Variants in TMC1 observed in about 807,000 individuals in gnomAD.
TMC1 encodes the protein transmembrane channel-like protein 1.
A neutral mutation model predicts 105.8 loss-of-function variants in TMC1; 84 were observed. That is an observed-to-expected ratio of 0.79 (90% CI 0.67 to 0.95). The LOEUF (loss-of-function observed/expected upper bound fraction) is 0.95, where lower values mean the gene tolerates loss of function less well. TMC1 is among the 40% of genes least tolerant of loss of function. The pLI is 0.00. For synonymous variants in TMC1, 315 were observed against 311.5 expected, an observed-to-expected ratio of 1.01 and a Z score of -0.12; for missense variants, 817 against 914.1, an observed-to-expected ratio of 0.89 and a Z score of 1.37.
At position 72,685,176 on chromosome 9, in the gene TMC1, A is replaced by G. The variant is rs531463324; in HGVS notation, c.17-3533A>G. Among the ~76,000 whole-genome samples, 694 of 130,508 alleles carry G rather than the reference A, an allele frequency of 5.3e-3. 4 individuals carry two copies. The highest frequency in any genetic ancestry group is 8.4e-3 in the Non-Finnish European group (548 of 65,472). The allele number at this position is 130,508 out of a possible 152,430, so 85.6% of individuals were successfully genotyped here. On this transcript the variant is annotated intron_variant, in intron 5 of 23. Coordinates refer to ENST00000297784, the MANE Select transcript of TMC1 (RefSeq NM_138691.3). ...GGCCAGAGTGCAGTGGCGCTATCTCAGCTCACTGCAAGCTCCGCCTCCCGG... is the reference window on the plus strand; with the variant it reads ...GGCCAGAGTGCAGTGGCGCTATCTCGGCTCACTGCAAGCTCCGCCTCCCGG...
At chr9:72,603,848 GTTTTTTTTTTTTTT>G (rs534608884) in intron 2 of TMC1, among the ~76,000 whole-genome samples, 9 of 74,006 alleles carry the variant, frequency 1.2e-4, no homozygotes, top group Admixed American at 2.0e-4. Flanking sequence ...GCGACCGGCT[GTTTTTTTTTTTTTT>G]TTTTTTTTTT....
At chr9:72,559,646 T>C (rs1463615644) in intron 1 of TMC1, among the ~76,000 whole-genome samples, 1 of 151,890 alleles carries the variant, frequency 6.6e-6, no homozygotes, top group Non-Finnish European at 1.5e-5. Flanking sequence ...GGAACAAACT[T>C]ATCGGATGTG....
chr9:72,766,915 A>AGAGGAGGAGTGTGGCCATGCGCTGCT (rs1483967116), intron 12 of TMC1, among the ~76,000 whole-genome samples: 2 of 152,226 alleles, frequency 1.3e-5, no homozygotes, highest in African/African-American at 4.8e-5. Flanking sequence ...GTCTGGCTGG[A>AGAGGAGGAGTGTGGCCATGCGCTGCT]GAGGAGGAGT....
Position 72,551,468 on chromosome 9 carries a change from C to T in TMC1, c.-427-26434C>T, listed in dbSNP as rs544227480. Among the ~76,000 whole-genome samples the T allele has an allele frequency of 7.2e-5, 11 of 152,308 alleles. No individual in the cohort carries two copies. In the South Asian group the frequency reaches 2.1e-3, roughly 29 times the overall value. The stretch of plus-strand genomic sequence containing the variant: ...TATGAGCCCATGATTTAGCATGTTG[C>T]TGGGAAATCTCCTTCCCCCTGTTGA... On this transcript the variant is annotated intron_variant, in intron 1 of 23. Coordinates refer to ENST00000297784, the MANE Select transcript of TMC1 (RefSeq NM_138691.3).
chr9:72,806,163 C>T (rs1360992953), intron 18 of TMC1, among the ~76,000 whole-genome samples: 16 of 149,940 alleles, frequency 1.1e-4, no homozygotes, highest in Admixed American at 6.0e-4. Flanking sequence ...GGCGGCTGGC[C>T]GGGCGGGGGG....
chr9:72,528,976 T>C (rs917617184), intron 1 of TMC1, among the ~76,000 whole-genome samples: 4 of 152,138 alleles, frequency 2.6e-5, no homozygotes, highest in Non-Finnish European at 5.9e-5. Context: ...GTATATTTCC[T>C]AAACTATATC....
At chr9:72,549,833 C>G (rs13290008) in intron 1 of TMC1, among the ~76,000 whole-genome samples, 3 of 151,592 alleles carry the variant, frequency 2.0e-5, no homozygotes, top group Non-Finnish European at 4.4e-5. Flanking sequence ...AGGTTGGTCT[C>G]GAACTCCTGA....
intron 4 of TMC1, among the ~76,000 whole-genome samples, chr9:72,645,948 G>A (rs1260305689): frequency 1.3e-5 from 2 of 152,072 alleles, no homozygotes; most frequent in African/African-American, 4.8e-5. Flanking sequence ...AAACTTGATG[G>A]AGCTTATATT....
At chr9:72,810,770 A>T (rs1371379748) in intron 18 of TMC1, among the ~76,000 whole-genome samples, 1 of 152,180 alleles carries the variant, frequency 6.6e-6, no homozygotes, top group Non-Finnish European at 1.5e-5. Context: ...TAATCTAATT[A>T]GTTTTTAATT....
At chr9:72,650,494 C>CT (rs1026302017) in intron 5 of TMC1, among the ~76,000 whole-genome samples, 8 of 148,302 alleles carry the variant, frequency 5.4e-5, no homozygotes, top group Admixed American at 2.0e-4. Flanking sequence ...CAGAACAAGC[C>CT]TTTTTTTTTA....
chr9:72,830,991 C>T (rs1829034193), intron 23 of TMC1, among the ~76,000 whole-genome samples: 1 of 152,132 alleles, frequency 6.6e-6, no homozygotes, highest in Admixed American at 6.5e-5. Context: ...TAGTCGTCTA[C>T]AAACAGCAGA....
chr9:72,600,766 A>G (rs776034229), intron 2 of TMC1, among the ~76,000 whole-genome samples: 26 of 152,184 alleles, frequency 1.7e-4, no homozygotes, highest in Non-Finnish European at 2.4e-4. Flanking sequence ...TTCCTGTTTT[A>G]CCCTATATCC....
At chr9:72,762,080 G>A (rs917312949) in intron 12 of TMC1, among the ~76,000 whole-genome samples, 2 of 152,160 alleles carry the variant, frequency 1.3e-5, no homozygotes, top group African/African-American at 4.8e-5. Context: ...TGGTAATGCA[G>A]GCCCTATACC....
chr9:72,714,336 G>A (rs764469807), intron 8 of TMC1, among the ~76,000 whole-genome samples: 10 of 152,030 alleles, frequency 6.6e-5, no homozygotes, highest in African/African-American at 1.2e-4. Context: ...TTTCTGTCTC[G>A]TTGATCTGTC....
At chr9:72,648,904 A>G (rs1825758130) in intron 5 of TMC1, among the ~76,000 whole-genome samples, 1 of 152,128 alleles carries the variant, frequency 6.6e-6, no homozygotes, top group Non-Finnish European at 1.5e-5. Context: ...AAGTGCTAAA[A>G]CTGACCTCGC....
At position 72,816,150 on chromosome 9, in the gene TMC1, A is replaced by G. The variant is rs1387262993; in HGVS notation, c.1703A>G (p.Tyr568Cys). 6.2e-7 allele frequency: 1 copy of G among 1,613,422 alleles called. No individual in the cohort carries two copies. Among genetic ancestry groups the G allele is most frequent in the Non-Finnish European group, 8.5e-7 (1 of 1,179,450 alleles). Reference sequence around the variant, plus strand: ...ACATTGTGTCTCCTCTAGCCTTCATACACCGAATTCGACATCAGTGGCAAC... The same window carrying G: ...ACATTGTGTCTCCTCTAGCCTTCATGCACCGAATTCGACATCAGTGGCAAC... ...CWDLEYGYPS[Y>C]TEFDISGNVL... Residue 568 changes from tyrosine (Y) to cysteine (C), a missense_variant, in exon 19 of 24, where the codon TAC becomes TGC. Physicochemically the swap from Tyr to Cys is radical, Grantham distance 194 (BLOSUM62 -2). Coordinates refer to ENST00000297784, the MANE Select transcript of TMC1 (RefSeq NM_138691.3).
At position 72,694,636 on chromosome 9, in the gene TMC1, A is replaced by G; in HGVS notation, c.158A>G (p.Asp53Gly). ...KRTRDVINED[D>G]PEPEPEDEET... The stretch of plus-strand genomic sequence containing the variant: ...ACCAGAGATGTTATCAATGAGGATG[A>G]CCCAGAACCTGAACCAGAGGATGAA... The change falls in exon 7 of 24, where the codon GAC becomes GGC. Residue 53 changes from aspartate (D) to glycine (G), a missense_variant. Transcript: ENST00000297784. The G allele has an allele frequency of 6.2e-7, 1 of 1,612,936 alleles. No individual in the cohort carries two copies. The highest frequency in any genetic ancestry group is 8.5e-7 in the Non-Finnish European group (1 of 1,179,432).
chr9:72,687,875 G>A lies in TMC1; in HGVS notation c.17-834G>A, dbSNP rs902175288. ...TTTTATAAGCAAGTTAATAGACTTC[G>A]ATTATTAAGAAATATTTTAATTTTT... On this transcript the variant is annotated intron_variant, in intron 5 of 23. Coordinates refer to ENST00000297784, the MANE Select transcript of TMC1 (RefSeq NM_138691.3). Among the ~76,000 whole-genome samples, 34 of 151,976 alleles carry A rather than the reference G, an allele frequency of 2.2e-4. 1 individual carries two copies. The highest frequency in any genetic ancestry group is 8.2e-4 in the African/African-American group (34 of 41,378).
In TMC1 at chr9:72,672,823, AACACACACACACAC is replaced by A. The variant is rs34028814; in HGVS notation, c.17-15859_17-15846del. On this transcript the variant is annotated intron_variant, in intron 5 of 23. Transcript: ENST00000297784. The stretch of plus-strand genomic sequence containing the variant: ...TCAGGAATTCGAGACAAGCCTGGGC[AACACACACACACAC>A]ACACACACACACACACACACACACA... Among the ~76,000 whole-genome samples, 10 of 139,920 alleles carry A rather than the reference AACACACACACACAC, an allele frequency of 7.1e-5. No homozygotes were observed. The East Asian group carries it at 1.1e-3, about 15-fold the overall frequency. 91.8% of individuals were successfully genotyped at this position (139,920 alleles called of 152,430 possible).
Sources: allele counts gnomAD v4.1 joint callset (sites outside exome capture counted in the v4.1 genomes callset), GRCh38; gene constraint gnomAD v4.1.1; transcripts MANE v1.5; gene names NCBI Gene and HGNC (gene_info 2026-07-23, HGNC 2026-07-21).